Variants in AIG1 observed in about 807,000 individuals in gnomAD.
AIG1 encodes the protein androgen-induced gene 1 protein.
Under a neutral mutation model 31.4 loss-of-function variants are expected in AIG1, and 23 were observed. That is an observed-to-expected ratio of 0.73 (90% CI 0.53 to 1.04). The LOEUF is 1.04. AIG1 is among the 50% of genes least tolerant of loss of function. The pLI is 0.00. For missense variants in AIG1, 274 were observed against 295.0 expected, an observed-to-expected ratio of 0.93 and a Z score of 0.52; for synonymous variants, 100 against 110.5, an observed-to-expected ratio of 0.90 and a Z score of 0.60.
At chr6:143,187,512 T>A (rs1388539985) in intron 3 of AIG1, 3 of 1,534,606 alleles carry the variant, frequency 2.0e-6, no homozygotes, top group Non-Finnish European at 2.6e-6. Flanking sequence ...ACTTACCACA[T>A]TTTTTAACCT....
At chr6:143,254,295 A>G (rs1795214617) in intron 3 of AIG1, among the ~76,000 whole-genome samples, 1 of 152,220 alleles carries the variant, frequency 6.6e-6, no homozygotes, top group Non-Finnish European at 1.5e-5. Flanking sequence ...GTAACCTGCA[A>G]GAAGCAGGGA....
chr6:143,169,731 A>C lies in AIG1; in HGVS notation c.399+4548A>C, dbSNP rs147572818. ...TCAGCTTTTGTCTCTTTAGTATGTTAGCTGTGGGTTTGTCATATATGGCCT... is the reference window on the plus strand; with the variant it reads ...TCAGCTTTTGTCTCTTTAGTATGTTCGCTGTGGGTTTGTCATATATGGCCT... On this transcript the variant is annotated intron_variant, in intron 3 of 5. Coordinates refer to ENST00000357847, the MANE Select transcript of AIG1 (RefSeq NM_016108.4). 3.6e-3 allele frequency among the ~76,000 whole-genome samples: 554 copies of C among 152,206 alleles called. 3 individuals carry two copies. The highest frequency in any genetic ancestry group is 0.013 in the African/African-American group (528 of 41,552).
chr6:143,131,408 A>G (rs1783223427), intron 1 of AIG1, among the ~76,000 whole-genome samples: 1 of 152,202 alleles, frequency 6.6e-6, no homozygotes, highest in Non-Finnish European at 1.5e-5. Context: ...TCATTGTGTT[A>G]TGATATATGG....
intron 1 of AIG1, among the ~76,000 whole-genome samples, chr6:143,067,997 C>A (rs1776878688): frequency 6.6e-6 from 1 of 152,114 alleles, no homozygotes; most frequent in African/African-American, 2.4e-5. Context: ...ACCTTCTTTG[C>A]ATGTTTCTTT....
intron 3 of AIG1, among the ~76,000 whole-genome samples, chr6:143,253,501 G>A (rs1795157202): frequency 3.3e-5 from 5 of 152,190 alleles, no homozygotes; most frequent in Admixed American, 1.3e-4. Context: ...CTTCAGCATA[G>A]CCATGCAGGG....
chr6:143,159,201 A>G (rs1786091603), intron 2 of AIG1, among the ~76,000 whole-genome samples: 1 of 151,916 alleles, frequency 6.6e-6, no homozygotes, highest in Non-Finnish European at 1.5e-5. Context: ...CTGAATCAGG[A>G]AAGAGCTTAA....
intron 3 of AIG1, among the ~76,000 whole-genome samples, chr6:143,181,834 C>T (rs1041614282): frequency 6.6e-6 from 1 of 151,684 alleles, no homozygotes; most frequent in Non-Finnish European, 1.5e-5. Context: ...TGTGAGACGG[C>T]CATAGAAAAG....
chr6:143,166,698 A>G (rs1176789788), intron 3 of AIG1, among the ~76,000 whole-genome samples: 1 of 152,214 alleles, frequency 6.6e-6, no homozygotes, highest in Non-Finnish European at 1.5e-5. Context: ...GCCAATTTCC[A>G]TAATTCTTTG....
chr6:143,278,861 A>G (rs776061418), intron 3 of AIG1, among the ~76,000 whole-genome samples: 208 of 152,338 alleles, frequency 1.4e-3, no homozygotes, highest in Admixed American at 4.8e-3. Flanking sequence ...AATAAGATTA[A>G]TTCATTTTTA....
intron 1 of AIG1, among the ~76,000 whole-genome samples, chr6:143,119,971 C>G (rs1326449258): frequency 6.6e-6 from 1 of 151,926 alleles, no homozygotes; most frequent in East Asian, 1.9e-4. Context: ...CTCTTGTTGC[C>G]CAGGTTGGAG....
At chr6:143,188,833 C>CT (rs1756132907) in intron 3 of AIG1, 1 of 985,070 alleles carries the variant, frequency 1.0e-6, no homozygotes, top group East Asian at 1.1e-4. Context: ...CAGAACATTC[C>CT]TTTTTACACT....
At position 143,217,517 on chromosome 6, in the gene AIG1, A is replaced by AT. The variant is rs550056486; in HGVS notation, c.399+52343dup. The stretch of plus-strand genomic sequence containing the variant: ...CGTCTTTATGGTTATATCTTTCCAC[A>AT]TTTTTTTTTGAGACAGAGTCTCGCT... On this transcript the variant is annotated intron_variant, in intron 3 of 5. Coordinates refer to ENST00000357847, the MANE Select transcript of AIG1 (RefSeq NM_016108.4). 3.4e-3 allele frequency among the ~76,000 whole-genome samples: 511 copies of AT among 151,070 alleles called. 10 individuals carry two copies. The East Asian group carries it at 0.065, about 19-fold the overall frequency.
intron 2 of AIG1, among the ~76,000 whole-genome samples, chr6:143,143,821 A>T (rs961537074): frequency 8.6e-5 from 13 of 152,020 alleles, no homozygotes; most frequent in African/African-American, 3.1e-4. Flanking sequence ...CTAAGAAGGA[A>T]GGTTTATAGA....
chr6:143,231,584 G>A (rs553289191), intron 3 of AIG1, among the ~76,000 whole-genome samples: 18 of 152,248 alleles, frequency 1.2e-4, no homozygotes, highest in Non-Finnish European at 2.1e-4. Flanking sequence ...AGCCACAAAT[G>A]CAATGCAAAC....
intron 1 of AIG1, among the ~76,000 whole-genome samples, chr6:143,127,636 C>A (rs988216801): frequency 2.0e-5 from 3 of 151,762 alleles, no homozygotes; most frequent in Non-Finnish European, 4.4e-5. Context: ...TAGAAATGTA[C>A]AAATTAGCAA....
At chr6:143,312,337 A>G (rs907567578) in intron 4 of AIG1, among the ~76,000 whole-genome samples, 1 of 152,000 alleles carries the variant, frequency 6.6e-6, no homozygotes, top group Non-Finnish European at 1.5e-5. Context: ...TAATGAAAAC[A>G]GCATAGTACT....
intron 3 of AIG1, among the ~76,000 whole-genome samples, chr6:143,272,911 A>G (rs1796632816): frequency 6.6e-6 from 1 of 152,190 alleles, no homozygotes; most frequent in Non-Finnish European, 1.5e-5. Context: ...TGGGCGAATC[A>G]CAAGGTCAGG....
rs184699317 is a variant in AIG1 at position 143,216,806 on chromosome 6, G to T, written c.399+51623G>T. Reference sequence around the variant, plus strand: ...TCCCTACAGTGTCTTCCCCAGCTGCGTGAGGACAGTGAGGGGAGAGGAGGA... The same window carrying T: ...TCCCTACAGTGTCTTCCCCAGCTGCTTGAGGACAGTGAGGGGAGAGGAGGA... On this transcript the variant is annotated intron_variant, in intron 3 of 5. Coordinates refer to ENST00000357847, the MANE Select transcript of AIG1 (RefSeq NM_016108.4). 2.6e-4 allele frequency among the ~76,000 whole-genome samples: 40 copies of T among 152,304 alleles called. 1 individual carries two copies. Among genetic ancestry groups the T allele is most frequent in the African/African-American group, 9.6e-4 (40 of 41,568 alleles).
intron 3 of AIG1, among the ~76,000 whole-genome samples, chr6:143,196,355 A>ACGCG (rs199604811): frequency 2.1e-4 from 8 of 38,970 alleles, no homozygotes; most frequent in African/African-American, 5.1e-4. Flanking sequence ...AAAGCAACAC[A>ACGCG]CACACACACA....
Sources: gnomAD v4.1 joint callset for allele counts (sites outside exome capture counted in the v4.1 genomes callset) on GRCh38, gnomAD v4.1.1 for gene constraint, MANE v1.5 for transcripts, NCBI Gene and HGNC (gene_info 2026-07-23, HGNC 2026-07-21) for gene names.